The following UNC5D variants were observed in gnomAD, a reference collection of about 807,000 sequenced individuals.
The protein encoded by UNC5D is netrin receptor UNC5D.
A neutral mutation model predicts 105.4 loss-of-function variants in UNC5D; 39 were observed. The observed-to-expected ratio is 0.37, with a 90% CI of 0.29 to 0.48. The LOEUF is 0.48. UNC5D is among the 20% of genes least tolerant of loss of function. UNC5D has a pLI of 0.98. For synonymous variants in UNC5D, 452 were observed against 450.4 expected (o/e 1.00, Z -0.04); for missense variants, 991 against 1,202.4 (o/e 0.82, Z 2.60).
At chr8:35,713,072 A>G (rs1563695260) in intron 8 of UNC5D, among the ~76,000 whole-genome samples, 1 of 151,568 alleles carries the variant, frequency 6.6e-6, no homozygotes, top group Admixed American at 6.6e-5. Flanking sequence ...TCTATTTTTT[A>G]TGATCTAATG....
intron 3 of UNC5D, among the ~76,000 whole-genome samples, chr8:35,588,502 G>A (rs1216226254): frequency 1.3e-5 from 2 of 151,972 alleles, no homozygotes; most frequent in African/African-American, 2.4e-5. Flanking sequence ...GATTTATGTG[G>A]GCCCCACTGC....
intron 8 of UNC5D, among the ~76,000 whole-genome samples, chr8:35,713,354 GAAGTA>G (rs1378272247): frequency 6.6e-6 from 1 of 152,184 alleles, no homozygotes; most frequent in African/African-American, 2.4e-5. Context: ...AATAAGACAT[GAAGTA>G]AAGTAGTTTT....
chr8:35,520,138 CCCTA>C (rs1298574429), intron 1 of UNC5D, among the ~76,000 whole-genome samples: 2 of 152,022 alleles, frequency 1.3e-5, no homozygotes, highest in Non-Finnish European at 2.9e-5. Flanking sequence ...GCAGAATTAT[CCCTA>C]ATAGATAAAA....
At chr8:35,311,972 C>T (rs543005535) in intron 1 of UNC5D, among the ~76,000 whole-genome samples, 1 of 152,238 alleles carries the variant, frequency 6.6e-6, no homozygotes, top group African/African-American at 2.4e-5. Context: ...AAAAAGAACA[C>T]CTCCCACTGT....
At chr8:35,476,239 T>A in intron 1 of UNC5D, among the ~76,000 whole-genome samples, 1 of 152,166 alleles carries the variant, frequency 6.6e-6, no homozygotes, top group East Asian at 1.9e-4. Context: ...GTCTGGGAAC[T>A]GAGTTAGGCA....
chr8:35,705,779 A>G (rs763845192), intron 7 of UNC5D, 150 bp from the exon 8 acceptor site: 3 of 395,326 alleles, frequency 7.6e-6, no homozygotes, highest in Admixed American at 4.9e-5. Context: ...AATAGAATGA[A>G]AAAACTATGG....
At chr8:35,662,555 C>T (rs532742284) in intron 4 of UNC5D, among the ~76,000 whole-genome samples, 51 of 152,256 alleles carry the variant, frequency 3.3e-4, no homozygotes, top group African/African-American at 1.1e-3. Flanking sequence ...GTTCCAGGAT[C>T]ATGATGGGGA....
chr8:35,366,158 C>A (rs1442769894), intron 1 of UNC5D, among the ~76,000 whole-genome samples: 9 of 152,138 alleles, frequency 5.9e-5, no homozygotes, highest in African/African-American at 2.2e-4. Context: ...GGAATTAAAC[C>A]CCATTTAAGT....
In UNC5D at chr8:35,556,115, T is replaced by TACATGTG. The variant is rs1816533249; in HGVS notation, c.322+6611_322+6617dup. Among the ~76,000 whole-genome samples, 4 of 152,122 alleles carry TACATGTG rather than the reference T, an allele frequency of 2.6e-5. No individual in the cohort carries two copies. The South Asian group carries it at 8.3e-4, about 32-fold the overall frequency. On this transcript the variant is annotated intron_variant, in intron 2 of 16. Transcript: ENST00000404895. ...GCATCCACAATCACATAGCACCTAA[T>TACATGTG]ACATGTGACATGCTTAGCCCAGGGG...
intron 1 of UNC5D, among the ~76,000 whole-genome samples, chr8:35,353,991 G>A (rs1018845951): frequency 6.6e-6 from 1 of 152,074 alleles, no homozygotes; most frequent in Non-Finnish European, 1.5e-5. Context: ...AGCTTGGATA[G>A]TTTAAGTAAA....
intron 1 of UNC5D, among the ~76,000 whole-genome samples, chr8:35,324,885 C>T (rs528402707): frequency 3.4e-4 from 51 of 152,194 alleles, no homozygotes; most frequent in African/African-American, 1.1e-3. Flanking sequence ...ATTCTTGGCC[C>T]CCTTTTTCTG....
chr8:35,253,473 CTTTTTTTT>C (rs58063448), intron 1 of UNC5D, among the ~76,000 whole-genome samples: 39 of 99,848 alleles, frequency 3.9e-4, no homozygotes, highest in African/African-American at 1.3e-3. Context: ...ATTTTATTTC[CTTTTTTTT>C]TTTTTTTTTT....
chr8:35,787,695 G>A (rs1802812005), intron 16 of UNC5D, among the ~76,000 whole-genome samples: 1 of 152,106 alleles, frequency 6.6e-6, no homozygotes, highest in Admixed American at 6.6e-5. Flanking sequence ...ATAGCTCTCT[G>A]CAGCTTTGAA....
chr8:35,237,678 C>G (rs573290638), intron 1 of UNC5D, among the ~76,000 whole-genome samples: 10 of 152,288 alleles, frequency 6.6e-5, no homozygotes, highest in African/African-American at 2.4e-4. Context: ...TTATTTACAA[C>G]AAATGTCTTG....
chr8:35,305,039 A>G (rs781183277), intron 1 of UNC5D, among the ~76,000 whole-genome samples: 1 of 152,112 alleles, frequency 6.6e-6, no homozygotes, highest in Non-Finnish European at 1.5e-5. Context: ...ATTTTTTTCC[A>G]TGATCGTCCA....
In UNC5D at chr8:35,446,188, G is replaced by C. The variant is rs373744614; in HGVS notation, c.104-103104G>C. 2.0e-5 allele frequency among the ~76,000 whole-genome samples: 3 copies of C among 151,288 alleles called. No individual in the cohort carries two copies. The South Asian group carries it at 6.3e-4, about 32-fold the overall frequency. On this transcript the variant is annotated intron_variant, in intron 1 of 16. Transcript: ENST00000404895. ...ACACTTTCCCCCCGAGTCCTCAAAG[G>C]CATTGACAATTTAAAAATATTATTG... is the stretch of plus-strand genomic sequence containing the variant.
In UNC5D at chr8:35,792,346, TC is replaced by T. The variant is rs1463453592; in HGVS notation, c.*1787del. 6.6e-6 allele frequency: 1 copy of T among 152,158 alleles called. No homozygotes were observed. Among genetic ancestry groups the T allele is most frequent in the Non-Finnish European group, 1.5e-5 (1 of 68,086 alleles). 9.4% of individuals were successfully genotyped at this position (152,158 alleles called of 1,614,324 possible). On this transcript the variant is annotated 3_prime_UTR_variant, in exon 17 of 17. Coordinates refer to ENST00000404895, the MANE Select transcript of UNC5D (RefSeq NM_080872.4). ...TCTAACTAACATGTGGTATGTATGGTCCCCTATATTAGATAGAAGTCTTTGC... is the reference window on the plus strand; with the variant it reads ...TCTAACTAACATGTGGTATGTATGGTCCCTATATTAGATAGAAGTCTTTGC...
At chr8:35,540,950 G>T (rs571608876) in intron 1 of UNC5D, among the ~76,000 whole-genome samples, 1 of 152,264 alleles carries the variant, frequency 6.6e-6, no homozygotes, top group South Asian at 2.1e-4. Flanking sequence ...TAGGGCCCAT[G>T]CTGTAAACCA....
intron 1 of UNC5D, among the ~76,000 whole-genome samples, chr8:35,274,552 G>A (rs532341265): frequency 3.3e-5 from 5 of 152,242 alleles, no homozygotes; most frequent in Middle Eastern, 3.4e-3. Context: ...GATGACAAGC[G>A]TTTATATCAG....
Sources: allele counts gnomAD v4.1 joint callset (sites outside exome capture counted in the v4.1 genomes callset), GRCh38; gene constraint gnomAD v4.1.1; transcripts MANE v1.5; gene names NCBI Gene and HGNC (gene_info 2026-07-23, HGNC 2026-07-21).